SGCD: variants seen among roughly 807,000 people sequenced by gnomAD.
SGCD encodes the protein delta-sarcoglycan.
In SGCD, 18 loss-of-function variants were observed where a neutral mutation model predicts 36.6. The observed-to-expected ratio is 0.49, with a 90% CI of 0.34 to 0.73. SGCD has a LOEUF of 0.73. Among genes scored for constraint, SGCD ranks in the 30% least tolerant of loss-of-function variants. The probability of loss-of-function intolerance (pLI) is 0.01; values close to 1 mark genes in which losing one functional copy is unlikely to be tolerated. For synonymous variants in SGCD, 133 were observed against 130.6 expected (o/e 1.02, Z -0.12); for missense variants, 387 against 346.7 (o/e 1.12, Z -0.92).
In SGCD at chr5:156,223,206, CTT is replaced by C. The variant is rs562065308; in HGVS notation, c.-44+99189_-44+99190del. ...TCAAAGGAAGTAAGGACTTCTGACT[CTT>C]TGAATTGAAAGTAGTGGCGTTCATG... On this transcript the variant is annotated intron_variant, in intron 3 of 9. Coordinates refer to the SGCD transcript ENST00000517913. Among the ~76,000 whole-genome samples the C allele has an allele frequency of 4.4e-4, 67 of 152,138 alleles. 1 individual carries two copies. Among genetic ancestry groups the C allele is most frequent in the African/African-American group, 1.6e-3 (66 of 41,490 alleles).
intron 3 of SGCD, among the ~76,000 whole-genome samples, chr5:156,433,262 A>G (rs1753100220): frequency 6.6e-6 from 1 of 152,092 alleles, no homozygotes; most frequent in Non-Finnish European, 1.5e-5. Flanking sequence ...ATGCTTCCAG[A>G]TGTTGAATTT....
the SGCD span, among the ~76,000 whole-genome samples, chr5:155,854,314 A>G: frequency 1.3e-5 from 2 of 152,150 alleles, no homozygotes; most frequent in African/African-American, 2.4e-5. Flanking sequence ...CCCAGGGGAA[A>G]TTATTACTGG....
At chr5:156,422,758 G>T (rs1037555969) in intron 3 of SGCD, among the ~76,000 whole-genome samples, 1 of 151,960 alleles carries the variant, frequency 6.6e-6, no homozygotes, top group African/African-American at 2.4e-5. Flanking sequence ...CCTGCTAGTT[G>T]CCAGTAGCAA....
intron 2 of SGCD, among the ~76,000 whole-genome samples, chr5:156,336,786 A>G (rs950091493): frequency 6.6e-6 from 1 of 152,240 alleles, no homozygotes; most frequent in Non-Finnish European, 1.5e-5. Flanking sequence ...GTTTAACTGC[A>G]TGTTCTTTGA....
At chr5:156,618,278 G>A (rs17053670) in intron 6 of SGCD, among the ~76,000 whole-genome samples, 3,752 of 152,218 alleles carry the variant, frequency 0.025, 157 homozygotes, top group East Asian at 0.17. Flanking sequence ...CCCAGTTATC[G>A]TTAGCAGAGA....
At chr5:156,558,532 G>A (rs765219498) in intron 4 of SGCD, among the ~76,000 whole-genome samples, 5 of 151,976 alleles carry the variant, frequency 3.3e-5, no homozygotes, top group African/African-American at 4.8e-5. Context: ...ATTCTGTTCT[G>A]TGTCAGACAC....
chr5:156,047,996 C>T (rs1047592800), intron 1 of SGCD, among the ~76,000 whole-genome samples: 8 of 152,018 alleles, frequency 5.3e-5, no homozygotes, highest in South Asian at 4.2e-4. Flanking sequence ...AAACAGGCCC[C>T]GGTGTGTGAT....
At chr5:155,953,507 C>CGGCTGCT (rs1757585723) in intron 1 of SGCD, among the ~76,000 whole-genome samples, 1 of 152,186 alleles carries the variant, frequency 6.6e-6, no homozygotes, top group Non-Finnish European at 1.5e-5. Flanking sequence ...TTCATTCAAT[C>CGGCTGCT]AGTCATCACC....
At chr5:155,740,092 CAT>C in the SGCD span, among the ~76,000 whole-genome samples, 1 of 152,068 alleles carries the variant, frequency 6.6e-6, no homozygotes, top group East Asian at 1.9e-4. Flanking sequence ...TATTGAATGA[CAT>C]ATGTTTTTAT....
intron 1 of SGCD, among the ~76,000 whole-genome samples, chr5:156,047,656 A>G (rs764219178): frequency 7.9e-5 from 12 of 152,098 alleles, no homozygotes; most frequent in Non-Finnish European, 1.8e-4. Context: ...GGGGGGAAAA[A>G]GTTCTTTTCA....
chr5:156,465,736 G>A (rs1754693908), intron 3 of SGCD, among the ~76,000 whole-genome samples: 1 of 152,102 alleles, frequency 6.6e-6, no homozygotes, highest in Non-Finnish European at 1.5e-5. Context: ...CGTTCCAATT[G>A]AATCAATTCA....
At chr5:156,371,052 C>T (rs1770362380) in intron 3 of SGCD, among the ~76,000 whole-genome samples, 1 of 152,198 alleles carries the variant, frequency 6.6e-6, no homozygotes, top group African/African-American at 2.4e-5. Context: ...TTTTACTCTA[C>T]CCTAGTCCCT....
chr5:156,093,375 T>A (rs1057111323), intron 1 of SGCD, among the ~76,000 whole-genome samples: 1 of 152,218 alleles, frequency 6.6e-6, no homozygotes, highest in Non-Finnish European at 1.5e-5. Context: ...TTTTTTTAAC[T>A]TTCTCTTTAT....
chr5:155,972,361 G>T lies in SGCD; in HGVS notation c.-282+101937G>T, dbSNP rs145001129. Among the ~76,000 whole-genome samples the T allele has an allele frequency of 4.3e-4, 66 of 152,012 alleles. No individual in the cohort carries two copies. The East Asian group carries it at 0.012, about 28-fold the overall frequency. On this transcript the variant is annotated intron_variant, in intron 1 of 9. Coordinates refer to the SGCD transcript ENST00000517913. ...ATAATAATTATTATCATCATTAATG[G>T]ATATGATAGTGTTTTGTGACTTTTG...
At chr5:156,582,162 C>T (rs1489753073) in intron 4 of SGCD, among the ~76,000 whole-genome samples, 2 of 152,096 alleles carry the variant, frequency 1.3e-5, no homozygotes, top group African/African-American at 4.8e-5. Flanking sequence ...CAAGAAGGCT[C>T]AGGCTGTTGG....
chr5:156,632,087 T>C (rs962778085), intron 6 of SGCD, among the ~76,000 whole-genome samples: 18 of 152,222 alleles, frequency 1.2e-4, no homozygotes, highest in African/African-American at 4.1e-4. Context: ...TCTTTCTCTC[T>C]TGTACAGGTT....
chr5:155,985,344 T>C (rs971535514), intron 1 of SGCD, among the ~76,000 whole-genome samples: 1 of 152,126 alleles, frequency 6.6e-6, no homozygotes, highest in Non-Finnish European at 1.5e-5. Context: ...TGCGCTCAGC[T>C]CTCATCTCCT....
intron 3 of SGCD, among the ~76,000 whole-genome samples, chr5:156,221,429 T>C (rs1174951858): frequency 6.6e-6 from 1 of 152,098 alleles, no homozygotes; most frequent in East Asian, 1.9e-4. Flanking sequence ...CAGATAAGAA[T>C]TACAACTTAG....
rs140081520 is a variant in SGCD, at chr5:156,295,099, G to T, written c.-43-34435G>T. Among the ~76,000 whole-genome samples the T allele has an allele frequency of 7.1e-3, 1,087 of 152,190 alleles. 10 individuals carry two copies. The highest frequency in any genetic ancestry group is 0.017 in the Middle Eastern group (5 of 294). On this transcript the variant is annotated intron_variant, in intron 3 of 9. Coordinates refer to the SGCD transcript ENST00000517913. ...TAGCATTCACCCAATGAAGCCATCA[G>T]GTTCATGGCTTTTCTTTGTCTGGAG...
Sources: allele counts gnomAD v4.1 joint callset (sites outside exome capture counted in the v4.1 genomes callset), GRCh38; gene constraint gnomAD v4.1.1; transcripts MANE v1.5; gene names NCBI Gene and HGNC (gene_info 2026-07-23, HGNC 2026-07-21).